Variants in USH2A observed in about 807,000 individuals in gnomAD.
USH2A encodes the protein usherin.
In USH2A, 443 loss-of-function variants were observed where a neutral mutation model predicts 538.9. The observed-to-expected ratio is 0.82, with a 90% CI of 0.76 to 0.89. USH2A has a LOEUF of 0.89. Ranked by LOEUF, USH2A falls within the 40% of genes least tolerant of loss-of-function variation. The pLI is 0.00. For missense variants in USH2A, 6,633 were observed against 6,324.8 expected (o/e 1.05, Z -1.65); for synonymous variants, 2,413 against 2,273.5 (o/e 1.06, Z -1.75).
At chr1:216,195,478 C>T (rs1488276961) in intron 19 of USH2A, among the ~76,000 whole-genome samples, 1 of 152,116 alleles carries the variant, frequency 6.6e-6, no homozygotes, top group Non-Finnish European at 1.5e-5. Context: ...AGAGATGACC[C>T]TGTGAAACAG....
chr1:215,870,496 C>T (rs570960457), intron 43 of USH2A, among the ~76,000 whole-genome samples: 4 of 144,898 alleles, frequency 2.8e-5, no homozygotes, highest in African/African-American at 7.8e-5. Flanking sequence ...GGGGTTTCAT[C>T]GTGTTAGCCA....
chr1:215,767,940 T>G (rs1251965930), intron 55 of USH2A, among the ~76,000 whole-genome samples: 1 of 152,170 alleles, frequency 6.6e-6, no homozygotes, highest in Non-Finnish European at 1.5e-5. Context: ...ACAACAGGAC[T>G]GAGCCTATTT....
chr1:216,189,765 C>A lies in USH2A; in HGVS notation c.4396+458G>T, dbSNP rs575877900. 1.7e-3 allele frequency among the ~76,000 whole-genome samples: 251 copies of A among 151,934 alleles called. 2 individuals are homozygous for A. Among genetic ancestry groups the A allele is most frequent in the South Asian group, 0.013 (65 of 4,816 alleles). On this transcript the variant is annotated intron_variant, in intron 20 of 71. Transcript: ENST00000307340. The stretch of plus-strand genomic sequence containing the variant: ...TGGATCAGGAGTGAGTAGAGCCAAG[C>A]CTACAAAAAATGTCTGGACTGAGGG...
chr1:216,328,356 T>C lies in USH2A; in HGVS notation c.785-702A>G, dbSNP rs187487756. Among the ~76,000 whole-genome samples the C allele has an allele frequency of 2.1e-3, 319 of 152,286 alleles. 1 individual carries two copies. Among genetic ancestry groups the C allele is most frequent in the Non-Finnish European group, 3.2e-3 (221 of 68,020 alleles). ...AACCTTAATCCACATGGTATTATTT[T>C]ATTTGTTTGGCAAATATTTTTTCAG... is the stretch of plus-strand genomic sequence containing the variant. On this transcript the variant is annotated intron_variant, in intron 4 of 71. Transcript: ENST00000307340.
chr1:215,821,313 T>C (rs1663009017), intron 47 of USH2A, among the ~76,000 whole-genome samples: 1 of 151,882 alleles, frequency 6.6e-6, no homozygotes, highest in Non-Finnish European at 1.5e-5. Flanking sequence ...TATTTCATTA[T>C]GGTTTTGAGT....
intron 21 of USH2A, among the ~76,000 whole-genome samples, chr1:216,112,467 A>T (rs1410522174): frequency 2.6e-5 from 4 of 152,124 alleles, no homozygotes; most frequent in Admixed American, 6.5e-5. Context: ...TTTTATAAAA[A>T]CTTTTATTTT....
chr1:216,356,585 A>G (rs1028184047), intron 4 of USH2A, among the ~76,000 whole-genome samples: 10 of 151,998 alleles, frequency 6.6e-5, no homozygotes, highest in Admixed American at 5.2e-4. Context: ...GTACTATACA[A>G]TCTTGTTTGT....
chr1:216,201,309 C>CT (rs527521817), intron 16 of USH2A, among the ~76,000 whole-genome samples: 1,619 of 133,656 alleles, frequency 0.012, 23 homozygotes, highest in African/African-American at 0.035. Flanking sequence ...AGTCTTTTTT[C>CT]TTTTTTTTTT....
intron 9 of USH2A, among the ~76,000 whole-genome samples, chr1:216,321,234 C>T (rs2037602773): frequency 6.6e-6 from 1 of 152,092 alleles, no homozygotes; most frequent in African/African-American, 2.4e-5. Context: ...TCTTTCATAT[C>T]AGCTATTTCT....
At chr1:215,829,306 G>A (rs112310356) in intron 47 of USH2A, among the ~76,000 whole-genome samples, 3,013 of 152,284 alleles carry the variant, frequency 0.02, 101 homozygotes, top group African/African-American at 0.069. Context: ...TTGTACTGCT[G>A]AAGATGTAGT....
At chr1:215,987,365 G>T (rs7542206) in intron 35 of USH2A, among the ~76,000 whole-genome samples, 4,219 of 152,260 alleles carry the variant, frequency 0.028, 199 homozygotes, top group African/African-American at 0.097. Flanking sequence ...CAAAGGAAGC[G>T]TCAAGGTCCT....
At chr1:215,809,485 TA>T (rs1482056285) in intron 49 of USH2A, among the ~76,000 whole-genome samples, 1 of 151,756 alleles carries the variant, frequency 6.6e-6, no homozygotes, top group African/African-American at 2.4e-5. Context: ...ATTATATCAA[TA>T]AAAAATAAAA....
chr1:215,876,131 C>T (rs1313379872), intron 43 of USH2A, among the ~76,000 whole-genome samples: 2 of 151,788 alleles, frequency 1.3e-5, no homozygotes, highest in Non-Finnish European at 2.9e-5. Context: ...TGAATTTATT[C>T]TACTGAAGTG....
At chr1:215,751,853 G>C (rs1312271785) in intron 58 of USH2A, among the ~76,000 whole-genome samples, 1 of 152,084 alleles carries the variant, frequency 6.6e-6, no homozygotes, top group Non-Finnish European at 1.5e-5. Context: ...TATAAGGTAG[G>C]CATTTAATTT....
intron 32 of USH2A, among the ~76,000 whole-genome samples, chr1:216,025,831 C>A (rs980155560): frequency 6.6e-5 from 10 of 152,034 alleles, no homozygotes; most frequent in African/African-American, 2.4e-4. Context: ...GATTTATGAT[C>A]TGCATCCTCT....
chr1:215,979,141 C>G (rs1028321709), intron 35 of USH2A, among the ~76,000 whole-genome samples: 4 of 152,068 alleles, frequency 2.6e-5, no homozygotes, highest in Non-Finnish European at 4.4e-5. Context: ...GCAGGTAAGA[C>G]AGCTTTTGCA....
chr1:216,288,727 C>T (rs2036937993), intron 11 of USH2A, among the ~76,000 whole-genome samples: 1 of 152,108 alleles, frequency 6.6e-6, no homozygotes, highest in African/African-American at 2.4e-5. Flanking sequence ...AGGTAGGATA[C>T]ATGAACTGAG....
At position 216,106,320 on chromosome 1, in the gene USH2A, T is replaced by C. The variant is rs1434313320; in HGVS notation, c.4628-9107A>G. On this transcript the variant is annotated intron_variant, in intron 21 of 71. Transcript: ENST00000307340. ...GTGTACATTTCATATATGTATACTA[T>C]ATATATATATATGTATATGTATTCT... Among the ~76,000 whole-genome samples the C allele has an allele frequency of 5.1e-3, 17 of 3,318 alleles. No homozygotes were observed. The Admixed American group carries it at 0.056, about 11-fold the overall frequency. 2.2% of individuals were successfully genotyped at this position (3,318 alleles called of 152,430 possible).
At chr1:215,966,071 C>T (rs933664845) in intron 36 of USH2A, among the ~76,000 whole-genome samples, 2 of 151,966 alleles carry the variant, frequency 1.3e-5, no homozygotes, top group Non-Finnish European at 2.9e-5. Flanking sequence ...TTAAGAAATA[C>T]ATGCATCCTA....
Sources: gnomAD v4.1 joint callset for allele counts (sites outside exome capture counted in the v4.1 genomes callset) on GRCh38, gnomAD v4.1.1 for gene constraint, MANE v1.5 for transcripts, NCBI Gene and HGNC (gene_info 2026-07-23, HGNC 2026-07-21) for gene names.